The following RNF34 variants were observed in gnomAD, a reference collection of about 807,000 sequenced individuals.
RNF34 encodes the protein ring finger protein 34.
In RNF34, 12 loss-of-function variants were observed where a neutral mutation model predicts 37.9. That is an observed-to-expected ratio of 0.32 (90% CI 0.20 to 0.51). The LOEUF is 0.51. Among genes scored for constraint, RNF34 ranks in the 20% least tolerant of loss-of-function variants. The pLI, the probability that RNF34 is intolerant of heterozygous loss-of-function variation, is 0.97. For missense variants in RNF34, 362 were observed against 472.7 expected, an observed-to-expected ratio of 0.77 and a Z score of 2.17; for synonymous variants, 155 against 177.2, an observed-to-expected ratio of 0.87 and a Z score of 1.00.
In RNF34 at chr12:121,420,582, C is replaced by T. The variant is rs782782316; in HGVS notation, c.732C>T (p.Pro244=). Residue 244 remains proline (P), a synonymous_variant, in exon 5 of 6, where the codon CCC becomes CCT. Transcript: ENST00000361234. ...TGGATGCTCTGTGGTTTCAGAACCC[C>T]GGGCTCTCCAAGGAGAGAGTGAGAG... ...DEEENAEDRN[P]GLSKERVRAS... 6.8e-6 allele frequency: 11 copies of T among 1,614,020 alleles called. No individual in the cohort carries two copies. Among genetic ancestry groups the T allele is most frequent in the South Asian group, 5.5e-5 (5 of 91,072 alleles).
chr12:121,402,437 T>TTTTGG lies in RNF34; in HGVS notation c.6+2243_6+2247dup, dbSNP rs781876079. Among the ~76,000 whole-genome samples, 77 of 151,310 alleles carry TTTTGG rather than the reference T, an allele frequency of 5.1e-4. No homozygotes were observed. In the South Asian group the frequency reaches 9.3e-3, roughly 18 times the overall value. ...GGGTATTTACTTTCTCCCTTTGGCG[T>TTTTGG]TTTGGTTTGGTTTGGTTTGGTTTGG... On this transcript the variant is annotated intron_variant, in intron 1 of 5. Transcript: ENST00000361234.
intron 1 of RNF34, among the ~76,000 whole-genome samples, chr12:121,404,019 CTTTT>C (rs1283817623): frequency 7.1e-6 from 1 of 141,696 alleles, no homozygotes; most frequent in Non-Finnish European, 1.6e-5. Context: ...TTTTCTGTTT[CTTTT>C]TTTTTTTTTT....
rs782225104 is a variant in RNF34 at position 121,404,387 on chromosome 12, C to CTTTTTTTTT, written c.6+4186_6+4194dup. ...CTCTTGTGTCTGGCTGTCATTTAAT[C>CTTTTTTTTT]TTTTTTTTTTTTTTTTTTTTTTTTT... is the stretch of plus-strand genomic sequence containing the variant. On this transcript the variant is annotated intron_variant, in intron 1 of 5. Transcript: ENST00000361234. Among the ~76,000 whole-genome samples, 148 of 65,844 alleles carry CTTTTTTTTT rather than the reference C, an allele frequency of 2.2e-3. 2 individuals are homozygous for CTTTTTTTTT. The highest frequency in any genetic ancestry group is 2.3e-3 in the Non-Finnish European group (96 of 41,580). 43.2% of individuals were successfully genotyped at this position (65,844 alleles called of 152,430 possible).
intron 1 of RNF34, among the ~76,000 whole-genome samples, chr12:121,405,555 C>G (rs948886638): frequency 6.6e-6 from 1 of 152,126 alleles, no homozygotes; most frequent in Non-Finnish European, 1.5e-5. Context: ...GCAATCTCTG[C>G]TTACCGCAAC....
intron 1 of RNF34, among the ~76,000 whole-genome samples, chr12:121,414,458 G>C (rs1334010734): frequency 6.6e-6 from 1 of 152,080 alleles, no homozygotes. Context: ...AAAGGAGACA[G>C]GTTACTCTGG....
chr12:121,404,714 C>T (rs556998348), intron 1 of RNF34: 1 of 152,216 alleles, frequency 6.6e-6, no homozygotes, highest in Admixed American at 6.5e-5. Context: ...ACTACCATAG[C>T]TTTTCTGATT....
At chr12:121,408,442 AAAAAAT>A (rs59746769) in intron 1 of RNF34, among the ~76,000 whole-genome samples, 28,610 of 151,436 alleles carry the variant, frequency 0.19, 4,146 homozygotes, top group African/African-American at 0.41. Flanking sequence ...AACTCTGTCT[AAAAAAT>A]AAAAATAAAA....
chr12:121,423,364 T>G lies in RNF34; in HGVS notation c.929-22T>G, dbSNP rs2137217130. 6.3e-7 allele frequency: 1 copy of G among 1,580,184 alleles called. No homozygotes were observed. The highest frequency in any genetic ancestry group is 1.8e-4 in the Middle Eastern group (1 of 5,710). ...ACTGGCCATGCCTGAAGCCGAGGCC[T>G]TAGCTCTCTGTTGCCTTTCAGATGG... On this transcript the variant is annotated intron_variant, in intron 5 of 5. Transcript: ENST00000361234. The surrounding 1 kb of genome is among the most constrained non-coding windows in gnomAD (Gnocchi z 4.3).
chr12:121,406,311 A>G (rs1374319473), intron 1 of RNF34, among the ~76,000 whole-genome samples: 1 of 63,698 alleles, frequency 1.6e-5, no homozygotes, highest in Non-Finnish European at 3.2e-5. Flanking sequence ...TGTTTGAGAC[A>G]GACTCTTGCT....
At chr12:121,415,227 T>TCCAAG (rs1871447940) in intron 1 of RNF34, 1 of 254,534 alleles carries the variant, frequency 3.9e-6, no homozygotes, top group African/African-American at 2.2e-5. Context: ...CAGTTGGTGT[T>TCCAAG]TTGATGTTTT....
intron 1 of RNF34, among the ~76,000 whole-genome samples, chr12:121,414,866 G>A (rs1345798804): frequency 6.6e-6 from 1 of 152,194 alleles, no homozygotes; most frequent in African/African-American, 2.4e-5. Context: ...GGCCGAGGTG[G>A]GTGGATCACC....
At chr12:121,415,737 G>A (rs1409981177) in intron 1 of RNF34, among the ~76,000 whole-genome samples, 2 of 151,778 alleles carry the variant, frequency 1.3e-5, no homozygotes, top group Admixed American at 1.3e-4. Flanking sequence ...AATGTTGCCA[G>A]GTAAAATACA....
Position 121,414,797 on chromosome 12 carries a change from C to T in RNF34, c.7-1362C>T, listed in dbSNP as rs182966689. Among the ~76,000 whole-genome samples the T allele has an allele frequency of 3.1e-3, 471 of 152,238 alleles. 7 individuals carry two copies. The highest frequency in any genetic ancestry group is 0.029 in the East Asian group (149 of 5,172). On this transcript the variant is annotated intron_variant, in intron 1 of 5. Coordinates refer to ENST00000361234, the MANE Select transcript of RNF34 (RefSeq NM_025126.4). ...AAGCAATTCTCGTGCCTTTGGCCCT[C>T]GCTGAAAGCTGGGAGGCTGGGCACG...
At chr12:121,415,960 G>T (rs529154386) in intron 1 of RNF34, among the ~76,000 whole-genome samples, 199 bp from the exon 2 acceptor site, 1 of 151,118 alleles carries the variant, frequency 6.6e-6, no homozygotes, top group South Asian at 2.1e-4. Flanking sequence ...AGAGATCATG[G>T]GTATTGGCAA....
At chr12:121,416,700 A>G (rs565878281) in intron 2 of RNF34, 63 of 222,864 alleles carry the variant, frequency 2.8e-4, no homozygotes, top group African/African-American at 1.3e-3. Flanking sequence ...TACTGTAACT[A>G]TGATTCAGAT....
intron 1 of RNF34, among the ~76,000 whole-genome samples, chr12:121,415,752 G>T (rs1268232298): frequency 6.6e-6 from 1 of 151,734 alleles, no homozygotes; most frequent in Non-Finnish European, 1.5e-5. Context: ...AATACAGGGT[G>T]CCTGAAAATT....
chr12:121,400,370 C>T (rs570517350), intron 1 of RNF34, 152 bp downstream of exon 1: 3 of 926,304 alleles, frequency 3.2e-6, no homozygotes, highest in East Asian at 2.9e-5. Context: ...CTTCAGGTGC[C>T]CCAACCGAGC....
intron 1 of RNF34, among the ~76,000 whole-genome samples, chr12:121,415,114 G>T (rs1871437777): frequency 1.3e-5 from 2 of 151,820 alleles, no homozygotes; most frequent in South Asian, 4.2e-4. Flanking sequence ...AAAAGAATTT[G>T]GAAAGTAGAG....
Position 121,416,161 on chromosome 12 carries a change from G to A in RNF34, c.9G>A (p.Ala3=), listed in dbSNP as rs782099773. 4.4e-5 allele frequency: 71 copies of A among 1,613,486 alleles called. 1 individual carries two copies. The Middle Eastern group carries it at 2.9e-3, about 65-fold the overall frequency. The change falls in exon 2 of 6, where the codon GCG becomes GCA. Residue 3 remains alanine (A), a splice_region_variant and synonymous_variant. Transcript: ENST00000361234. Reference sequence around the variant, plus strand: ...GTGGGATTTGTGTTCCTTTTTAGGCGGGTGCCACGTCTATGTGGGCTTCGT... The same window carrying A: ...GTGGGATTTGTGTTCCTTTTTAGGCAGGTGCCACGTCTATGTGGGCTTCGT... MK[A]GATSMWASCC...
Sources: allele counts gnomAD v4.1 joint callset (sites outside exome capture counted in the v4.1 genomes callset), GRCh38; gene constraint gnomAD v4.1.1; non-coding constraint Gnocchi (gnomAD v3.1); transcripts MANE v1.5; gene names NCBI Gene and HGNC (gene_info 2026-07-23, HGNC 2026-07-21).